IQSEC1: variants seen among roughly 807,000 people sequenced by gnomAD.
IQSEC1 encodes IQ motif and Sec7 domain ArfGEF 1.
Under a neutral mutation model 91.0 loss-of-function variants are expected in IQSEC1, and 31 were observed. The ratio of observed to expected loss-of-function variants is 0.34; its 90% confidence interval spans 0.26 to 0.46. The LOEUF is 0.46. Among genes scored for constraint, IQSEC1 ranks in the 20% least tolerant of loss-of-function variants. IQSEC1 has a pLI of 1.00. For missense variants in IQSEC1, 1,388 were observed against 1,575.6 expected (o/e 0.88, Z 2.02); for synonymous variants, 699 against 662.6 (o/e 1.05, Z -0.84).
At chr3:13,067,464 G>A (rs1705273837) in intron 1 of IQSEC1, among the ~76,000 whole-genome samples, 1 of 152,238 alleles carries the variant, frequency 6.6e-6, no homozygotes, top group African/African-American at 2.4e-5. Context: ...CCCAGGACAA[G>A]CAGGCTGGGG....
intron 1 of IQSEC1, among the ~76,000 whole-genome samples, chr3:13,226,930 C>T (rs573555580): frequency 3.3e-5 from 5 of 152,126 alleles, no homozygotes; most frequent in South Asian, 2.1e-4. Flanking sequence ...AAAGCTTCTC[C>T]GCACACCCAG....
At chr3:13,099,846 C>G (rs775255556) in intron 2 of IQSEC1, among the ~76,000 whole-genome samples, 1 of 149,930 alleles carries the variant, frequency 6.7e-6, no homozygotes, top group Non-Finnish European at 1.5e-5. Context: ...CCTCAGCACC[C>G]CTGGCAGAGG....
At chr3:13,108,140 G>A (rs372942348) in intron 2 of IQSEC1, among the ~76,000 whole-genome samples, 33 of 152,324 alleles carry the variant, frequency 2.2e-4, no homozygotes, top group Middle Eastern at 3.4e-3. Flanking sequence ...TGATGTCCAC[G>A]CTATAGAGTT....
At chr3:13,225,059 C>T (rs980699284) in intron 1 of IQSEC1, among the ~76,000 whole-genome samples, 7 of 152,228 alleles carry the variant, frequency 4.6e-5, no homozygotes, top group African/African-American at 1.7e-4. Flanking sequence ...ACCTGGTTCC[C>T]AGGGAAACAG....
rs1287256576 is a variant in IQSEC1 at position 12,936,661 on chromosome 3, C to A, written c.355G>T (p.Val119Leu). The change falls in exon 3 of 14, where the codon GTA (valine) becomes TTA (leucine). Residue 119 changes from valine (V) to leucine (L), a missense_variant. Transcript: ENST00000613206. ...MLERKYGGRL[V>L]TRHAARTIQT... The stretch of plus-strand genomic sequence containing the variant: ...ATGGTGCGGGCCGCATGGCGGGTTA[C>A]CAGGCGCCCCCCATACTTTCGTTCT... 1 of 1,597,128 alleles carries A rather than the reference C, an allele frequency of 6.3e-7. No individual in the cohort carries two copies. The highest frequency in any genetic ancestry group is 8.5e-7 in the Non-Finnish European group (1 of 1,171,564).
rs1214405164 is a variant in IQSEC1, at chr3:12,908,043, G to A, written c.2755+306C>T. Among the ~76,000 whole-genome samples the A allele has an allele frequency of 6.6e-6, 1 of 152,208 alleles. No homozygotes were observed. The highest frequency in any genetic ancestry group is 2.1e-4 in the South Asian group (1 of 4,836). On this transcript the variant is annotated intron_variant, in intron 12 of 13. Transcript: ENST00000613206. The surrounding 1 kb of genome is among the most constrained non-coding windows in gnomAD (Gnocchi z 4.9). Reference sequence around the variant, plus strand: ...GCCGCCGGCTCACTCGGGCTAGAGCGACTTCCCAGATCAATAAACAAGTAA... The same window carrying A: ...GCCGCCGGCTCACTCGGGCTAGAGCAACTTCCCAGATCAATAAACAAGTAA...
intron 7 of IQSEC1, among the ~76,000 whole-genome samples, chr3:12,915,357 C>T (rs932631993): frequency 1.3e-5 from 2 of 152,234 alleles, no homozygotes; most frequent in Non-Finnish European, 2.9e-5. Flanking sequence ...CACTGCACAA[C>T]CCTGGCCTGC....
At position 12,947,537 on chromosome 3, in the gene IQSEC1, G is replaced by A. The variant is rs370940163; in HGVS notation, c.24-5672C>T. Among the ~76,000 whole-genome samples, 14 of 152,140 alleles carry A rather than the reference G, an allele frequency of 9.2e-5. No homozygotes were observed. In the East Asian group the frequency reaches 1.4e-3, roughly 15 times the overall value. ...CCATGGAGGAGTCTTGCTCTGTGAG[G>A]GTGGGAGACAACTGCCCAAGCATCC... On this transcript the variant is annotated intron_variant, in intron 1 of 13. Transcript: ENST00000613206.
intron 2 of IQSEC1, among the ~76,000 whole-genome samples, chr3:13,092,131 A>T (rs1705872969): frequency 6.6e-6 from 1 of 152,144 alleles, no homozygotes; most frequent in Non-Finnish European, 1.5e-5. Flanking sequence ...AACTGACTGC[A>T]TCAAAAGGGG....
upstream of IQSEC1, among the ~76,000 whole-genome samples, chr3:13,077,127 C>T (rs560146373): frequency 3.3e-5 from 5 of 151,892 alleles, no homozygotes; most frequent in South Asian, 4.2e-4. Flanking sequence ...CAGCCTCAAA[C>T]TCCTGGGCTC....
At position 13,073,230 on chromosome 3, in the gene IQSEC1, T is replaced by G; in HGVS notation, c.-216A>C. 1 of 610,196 alleles carries G rather than the reference T, an allele frequency of 1.6e-6. No individual in the cohort carries two copies. Among genetic ancestry groups the G allele is most frequent in the Non-Finnish European group, 2.9e-6 (1 of 344,250 alleles). The allele number at this position is 610,196 out of a possible 1,614,324, so 37.8% of individuals were successfully genotyped here. ...GCGGGCTGTGGAGGGCCCTGGCACGTAGCGCGCGCTCACACCGTGCCCAGG... is the reference window on the plus strand; with the variant it reads ...GCGGGCTGTGGAGGGCCCTGGCACGGAGCGCGCGCTCACACCGTGCCCAGG... On this transcript the variant is annotated 5_prime_UTR_variant, in exon 1 of 14. Coordinates refer to ENST00000613206, the MANE Select transcript of IQSEC1 (RefSeq NM_001134382.3).
At chr3:13,135,676 C>T (rs1706694832) in intron 2 of IQSEC1, among the ~76,000 whole-genome samples, 2 of 152,164 alleles carry the variant, frequency 1.3e-5, no homozygotes, top group Admixed American at 6.5e-5. Flanking sequence ...GGGGTCTCTT[C>T]GACACAGACG....
intron 1 of IQSEC1, among the ~76,000 whole-genome samples, chr3:13,243,240 T>C (rs1453718781): frequency 6.6e-6 from 1 of 152,116 alleles, no homozygotes; most frequent in Non-Finnish European, 1.5e-5. Context: ...CTGCACACCC[T>C]TGGGCAGGGG....
intron 1 of IQSEC1, among the ~76,000 whole-genome samples, chr3:13,065,511 G>A (rs558829796): frequency 2.4e-4 from 37 of 152,270 alleles, no homozygotes; most frequent in Middle Eastern, 3.4e-3. Context: ...TTATTCAAGA[G>A]GGGGAAATTT....
intron 7 of IQSEC1, among the ~76,000 whole-genome samples, 191 bp from the exon 8 acceptor site, chr3:12,915,324 GT>G (rs1451083079): frequency 6.6e-6 from 1 of 152,228 alleles, no homozygotes; most frequent in Non-Finnish European, 1.5e-5. Context: ...AAGCCTGCCA[GT>G]GTCGGGTGCC....
At chr3:12,931,030 G>A (rs1177305150) in intron 3 of IQSEC1, among the ~76,000 whole-genome samples, 1 of 152,176 alleles carries the variant, frequency 6.6e-6, no homozygotes, top group Non-Finnish European at 1.5e-5. Flanking sequence ...CACCAGCTCT[G>A]ACTTTTACAC....
intron 2 of IQSEC1, among the ~76,000 whole-genome samples, chr3:13,141,014 A>G (rs2124937703): frequency 6.6e-6 from 1 of 152,346 alleles, no homozygotes; most frequent in African/African-American, 2.4e-5. Flanking sequence ...CAGGGAGGGC[A>G]CCACGACGAA....
chr3:13,111,223 C>T (rs965081672), intron 2 of IQSEC1, among the ~76,000 whole-genome samples: 11 of 152,212 alleles, frequency 7.2e-5, no homozygotes, highest in Non-Finnish European at 1.3e-4. Flanking sequence ...CCCCAGTGTG[C>T]CCAGGGCTCA....
At chr3:13,002,547 CA>C (rs57241537) in intron 1 of IQSEC1, among the ~76,000 whole-genome samples, 64,806 of 107,044 alleles carry the variant, frequency 0.61, 15,665 homozygotes, top group African/African-American at 0.67. Flanking sequence ...ACCTGATCTC[CA>C]AAAAAAAAAA....
Sources: allele counts gnomAD v4.1 joint callset (sites outside exome capture counted in the v4.1 genomes callset), GRCh38; gene constraint gnomAD v4.1.1; non-coding constraint Gnocchi (gnomAD v3.1); transcripts MANE v1.5; gene names NCBI Gene and HGNC (gene_info 2026-07-23, HGNC 2026-07-21).